Variants in G3BP2 observed in about 807,000 individuals in gnomAD.
G3BP2 encodes G3BP stress granule assembly factor 2, also known as ras GTPase-activating protein-binding protein 2.
A neutral mutation model predicts 56.7 loss-of-function variants in G3BP2; 11 were observed. The observed-to-expected ratio is 0.19, with a 90% CI of 0.12 to 0.32. G3BP2 has a LOEUF of 0.32. G3BP2 is among the 10% of genes least tolerant of loss of function. The pLI is 1.00. For missense variants in G3BP2, 340 were observed against 610.9 expected, an observed-to-expected ratio of 0.56 and a Z score of 4.67; for synonymous variants, 165 against 191.6, an observed-to-expected ratio of 0.86 and a Z score of 1.15.
chr4:75,702,171 A>ATTTTTT (rs57529973), intron 3 of G3BP2, among the ~76,000 whole-genome samples: 4 of 107,486 alleles, frequency 3.7e-5, no homozygotes, highest in Non-Finnish European at 5.4e-5. Flanking sequence ...AAACCCCCCA[A>ATTTTTT]TTTTTTTTTT....
chr4:75,650,301 G>GC (rs1731574548), intron 8 of G3BP2, among the ~76,000 whole-genome samples: 1 of 151,606 alleles, frequency 6.6e-6, no homozygotes, highest in South Asian at 2.1e-4. Context: ...GGGTGTGGTG[G>GC]CACATGCCTG....
chr4:75,688,769 A>G (rs1560414403), intron 3 of G3BP2, among the ~76,000 whole-genome samples: 1 of 152,236 alleles, frequency 6.6e-6, no homozygotes, highest in South Asian at 2.1e-4. Context: ...CATGTTTAGC[A>G]AGAATTCCAC....
Position 75,673,233 on chromosome 4 carries a change from C to T in G3BP2, c.-50G>A. On this transcript the variant is annotated 5_prime_UTR_variant, in exon 1 of 12. Coordinates refer to ENST00000359707, the MANE Select transcript of G3BP2 (RefSeq NM_203505.3). The stretch of plus-strand genomic sequence containing the variant: ...CTCCAGCCAACGGCGGCGGCGGGTA[C>T]GTCGCGCGGAGGTCAGAAGAGTCGC... The T allele has an allele frequency of 8.2e-7, 1 of 1,215,996 alleles. No individual in the cohort carries two copies. The highest frequency in any genetic ancestry group is 1.0e-6 in the Non-Finnish European group (1 of 978,098). 75.3% of individuals were successfully genotyped at this position (1,215,996 alleles called of 1,614,324 possible).
At chr4:75,655,568 T>C (rs1051196007) in intron 6 of G3BP2, among the ~76,000 whole-genome samples, 200 bp downstream of exon 6, 5 of 152,250 alleles carry the variant, frequency 3.3e-5, no homozygotes, top group African/African-American at 1.2e-4. Context: ...GGAACCACTG[T>C]TTTGGTGCAA....
At chr4:75,717,832 G>A (rs1030811806) in intron 3 of G3BP2, among the ~76,000 whole-genome samples, 1 of 151,908 alleles carries the variant, frequency 6.6e-6, no homozygotes, top group African/African-American at 2.4e-5. Flanking sequence ...CTTGTCCCTC[G>A]ATAAACAGTT....
At chr4:75,646,924 T>C in intron 10 of G3BP2, 105 bp downstream of exon 10, 1 of 684,744 alleles carries the variant, frequency 1.5e-6, no homozygotes, top group East Asian at 2.8e-5. Flanking sequence ...GGACACAGTA[T>C]AAAGAGAGAA....
intron 3 of G3BP2, among the ~76,000 whole-genome samples, chr4:75,698,196 G>A (rs1341093029): frequency 2.0e-5 from 3 of 152,132 alleles, no homozygotes; most frequent in Non-Finnish European, 4.4e-5. Flanking sequence ...CTGTAATACA[G>A]AGAGTCCTCA....
intron 3 of G3BP2, among the ~76,000 whole-genome samples, chr4:75,714,327 T>A (rs1719855919): frequency 6.6e-6 from 1 of 152,120 alleles, no homozygotes; most frequent in Non-Finnish European, 1.5e-5. Flanking sequence ...AATATATACA[T>A]TTAAAGAAAA....
rs550475129 is a variant in G3BP2, at chr4:75,644,655, G to A, written c.*775C>T. ...GTGTGTTGAGCAGCCAGCCATCCCT[G>A]TACTGAAGAGGGGCAGGTAGAAAAA... On this transcript the variant is annotated 3_prime_UTR_variant, in exon 12 of 12. Coordinates refer to ENST00000359707, the MANE Select transcript of G3BP2 (RefSeq NM_203505.3). The A allele has an allele frequency of 6.6e-6, 1 of 152,648 alleles. No homozygotes were observed. The highest frequency in any genetic ancestry group is 6.5e-5 in the Admixed American group (1 of 15,278). 9.5% of individuals were successfully genotyped at this position (152,648 alleles called of 1,614,324 possible).
intron 3 of G3BP2, among the ~76,000 whole-genome samples, chr4:75,718,066 GC>G (rs1302204030): frequency 9.2e-5 from 14 of 151,766 alleles, no homozygotes; most frequent in African/African-American, 3.4e-4. Flanking sequence ...AACCTGGGAG[GC>G]AGAGATTGTA....
At chr4:75,658,547 G>C (rs1306489474) in intron 3 of G3BP2, among the ~76,000 whole-genome samples, 2 of 151,766 alleles carry the variant, frequency 1.3e-5, no homozygotes, top group Non-Finnish European at 2.9e-5. Context: ...CCTCAACATA[G>C]AGAAACCCCG....
At position 75,643,827 on chromosome 4, in the gene G3BP2, A is replaced by G. The variant is rs917281611; in HGVS notation, c.*1603T>C. On this transcript the variant is annotated 3_prime_UTR_variant, in exon 12 of 12. Coordinates refer to ENST00000359707, the MANE Select transcript of G3BP2 (RefSeq NM_203505.3). ...CCCACTCCTGCCTGAAACATCAGAA[A>G]CTGGTATGTACTGACTGCTCCAAGC... 8.5e-5 allele frequency: 13 copies of G among 152,616 alleles called. No individual in the cohort carries two copies. Among genetic ancestry groups the G allele is most frequent in the Admixed American group, 6.5e-5 (1 of 15,280 alleles). 9.5% of individuals were successfully genotyped at this position (152,616 alleles called of 1,614,324 possible). A position where few individuals can be genotyped will look rare whatever the true frequency, so the allele number is the denominator to read the frequency against.
At chr4:75,665,140 AGAG>A (rs1349965887) in intron 1 of G3BP2, among the ~76,000 whole-genome samples, 1 of 152,232 alleles carries the variant, frequency 6.6e-6, no homozygotes, top group Non-Finnish European at 1.5e-5. Flanking sequence ...GCTTACAGAT[AGAG>A]TGTAGCTTTA....
chr4:75,709,461 G>A (rs923225425), intron 3 of G3BP2, among the ~76,000 whole-genome samples: 3 of 132,934 alleles, frequency 2.3e-5, no homozygotes, highest in East Asian at 2.2e-4. Context: ...GAAAAAAACC[G>A]ACCAGCCAGG....
At chr4:75,720,722 G>T (rs1224135536) in intron 3 of G3BP2, among the ~76,000 whole-genome samples, 1 of 151,192 alleles carries the variant, frequency 6.6e-6, no homozygotes, top group Non-Finnish European at 1.5e-5. Flanking sequence ...CTTGAACCCG[G>T]GAGGCCGAGG....
intron 2 of G3BP2, chr4:75,661,525 G>GCCT (rs1732560887): frequency 6.7e-6 from 1 of 149,534 alleles, no homozygotes; most frequent in Admixed American, 6.7e-5. Context: ...GGTGGCTCAT[G>GCCT]CCTGTAATCC....
At chr4:75,723,798 C>A (rs982536676) in intron 1 of G3BP2, among the ~76,000 whole-genome samples, 1 of 151,920 alleles carries the variant, frequency 6.6e-6, no homozygotes, top group East Asian at 1.9e-4. Context: ...TGCTTTTTAG[C>A]CTCAAGAAAT....
rs2148938850 is a variant in G3BP2, at chr4:75,645,678, G to A, written c.1201C>T (p.Arg401Cys). 4 of 1,613,616 alleles carry A rather than the reference G, an allele frequency of 2.5e-6. No homozygotes were observed. The highest frequency in any genetic ancestry group is 3.4e-6 in the Non-Finnish European group (4 of 1,179,838). Residue 401 changes from arginine (R) to cysteine (C), a missense_variant, in exon 12 of 12, where the codon CGT (arginine) becomes TGT (cysteine). Transcript: ENST00000359707. ...AKPIMFRGEVRLNVEEKKTRA... is the reference protein window; with the variant it reads ...AKPIMFRGEVCLNVEEKKTRA... ...GTTTTTTTCTCTTCCACATTTAAACGTACTTCCCCTCGAAACATAATCGGC... is the reference window on the plus strand; with the variant it reads ...GTTTTTTTCTCTTCCACATTTAAACATACTTCCCCTCGAAACATAATCGGC...
At chr4:75,680,029 C>G (rs1734011290) in intron 3 of G3BP2, among the ~76,000 whole-genome samples, 1 of 152,134 alleles carries the variant, frequency 6.6e-6, no homozygotes, top group African/African-American at 2.4e-5. Flanking sequence ...ATATCCTAGC[C>G]CTCAGTGGGC....
Sources: allele counts gnomAD v4.1 joint callset (sites outside exome capture counted in the v4.1 genomes callset), GRCh38; gene constraint gnomAD v4.1.1; transcripts MANE v1.5; gene names NCBI Gene and HGNC (gene_info 2026-07-23, HGNC 2026-07-21).